The following SGCD variants were observed in gnomAD, a reference collection of about 807,000 sequenced individuals.
SGCD encodes sarcoglycan delta, also known as delta-sarcoglycan.
In SGCD, 18 loss-of-function variants were observed where a neutral mutation model predicts 36.6. That is an observed-to-expected ratio of 0.49 (90% CI 0.34 to 0.73). SGCD has a LOEUF of 0.73. Among genes scored for constraint, SGCD ranks in the 30% least tolerant of loss-of-function variants. The pLI, the probability that SGCD is intolerant of heterozygous loss-of-function variation, is 0.01. For synonymous variants in SGCD, 133 were observed against 130.6 expected (o/e 1.02, Z -0.12); for missense variants, 387 against 346.7 (o/e 1.12, Z -0.92).
intron 1 of SGCD, among the ~76,000 whole-genome samples, chr5:155,880,803 A>G (rs1755865399): frequency 6.6e-6 from 1 of 152,052 alleles, no homozygotes; most frequent in Admixed American, 6.6e-5. Context: ...GCTTGTAAAA[A>G]TCCAGCTCAT....
chr5:156,252,203 C>A (rs1286597948), intron 3 of SGCD, among the ~76,000 whole-genome samples: 1 of 151,726 alleles, frequency 6.6e-6, no homozygotes, highest in African/African-American at 2.4e-5. Flanking sequence ...GAGTATTAAT[C>A]CCCTCCTGGG....
Position 156,594,920 on chromosome 5 carries a change from T to C in SGCD, c.383-12T>C, listed in dbSNP as rs1760866457. 6.4e-7 allele frequency: 1 copy of C among 1,569,816 alleles called. No individual in the cohort carries two copies. The highest frequency in any genetic ancestry group is 1.7e-5 in the Admixed American group (1 of 57,778). ...TCTCCTCTCTATCTCTCTATCTCTC[T>C]ATATCTCTCAGGTCCAAAAGCCGTA... On this transcript the variant is annotated splice_polypyrimidine_tract_variant and intron_variant, in intron 5 of 8. Transcript: ENST00000337851.
intron 7 of SGCD, among the ~76,000 whole-genome samples, chr5:156,742,469 T>C (rs1756731780): frequency 6.6e-6 from 1 of 151,188 alleles, no homozygotes; most frequent in Admixed American, 6.7e-5. Context: ...GAAATCAGCC[T>C]TGGTCCAGTC....
intron 1 of SGCD, among the ~76,000 whole-genome samples, chr5:156,077,176 T>C (rs897050734): frequency 3.3e-5 from 5 of 152,186 alleles, no homozygotes; most frequent in Non-Finnish European, 7.3e-5. Context: ...TTTGATAATA[T>C]TTTGGCTTCA....
chr5:155,850,223 A>G, the SGCD span, among the ~76,000 whole-genome samples: 1 of 152,134 alleles, frequency 6.6e-6, no homozygotes, highest in African/African-American at 2.4e-5. Context: ...TTACTCTTTC[A>G]TGTCTGACGG....
the SGCD span, among the ~76,000 whole-genome samples, chr5:155,752,448 G>T: frequency 6.6e-6 from 1 of 151,892 alleles, no homozygotes; most frequent in African/African-American, 2.4e-5. Context: ...TCTTTCCCTT[G>T]GTACCCCTCC....
chr5:156,321,515 A>G (rs1255504589), intron 3 of SGCD, among the ~76,000 whole-genome samples: 1 of 152,192 alleles, frequency 6.6e-6, no homozygotes, highest in Non-Finnish European at 1.5e-5. Flanking sequence ...TTTGTCATCC[A>G]TAATCCACCT....
At chr5:156,650,131 G>A (rs375361873) in intron 7 of SGCD, among the ~76,000 whole-genome samples, 4 of 152,124 alleles carry the variant, frequency 2.6e-5, no homozygotes, top group Non-Finnish European at 4.4e-5. Flanking sequence ...ATGTTATGCT[G>A]AGACATAATC....
intron 7 of SGCD, chr5:156,738,433 G>A (rs1245724695): frequency 6.6e-6 from 1 of 152,170 alleles, no homozygotes; most frequent in African/African-American, 2.4e-5. Flanking sequence ...AGCCATGTTA[G>A]GCTACTAAGG....
At chr5:156,746,370 G>A (rs1334923472) in intron 7 of SGCD, among the ~76,000 whole-genome samples, 1 of 152,142 alleles carries the variant, frequency 6.6e-6, no homozygotes, top group Non-Finnish European at 1.5e-5. Context: ...TCTACTAAAG[G>A]AAAATATCAA....
At chr5:156,623,474 A>G (rs556366135) in intron 6 of SGCD, among the ~76,000 whole-genome samples, 8 of 152,342 alleles carry the variant, frequency 5.3e-5, no homozygotes, top group Admixed American at 1.3e-4. Flanking sequence ...CTGACAACTC[A>G]GATTGTTCTT....
chr5:156,237,351 G>A (rs911230318), intron 3 of SGCD, among the ~76,000 whole-genome samples: 1 of 152,200 alleles, frequency 6.6e-6, no homozygotes, highest in South Asian at 2.1e-4. Flanking sequence ...ATGGCCGGGT[G>A]TGGTGCCTCA....
chr5:156,485,520 G>C (rs760257169), intron 3 of SGCD, among the ~76,000 whole-genome samples: 19 of 152,076 alleles, frequency 1.2e-4, no homozygotes, highest in Non-Finnish European at 2.8e-4. Flanking sequence ...AAATTTAGCT[G>C]GGTGTGGTGG....
chr5:156,369,812 G>T (rs1341008849), intron 3 of SGCD, among the ~76,000 whole-genome samples: 2 of 152,146 alleles, frequency 1.3e-5, no homozygotes. Flanking sequence ...ATGGATTGAT[G>T]TGGGAAAAAA....
intron 1 of SGCD, among the ~76,000 whole-genome samples, chr5:156,105,484 C>T (rs1277248545): frequency 6.6e-6 from 1 of 152,098 alleles, no homozygotes; most frequent in Non-Finnish European, 1.5e-5. Context: ...TATAAATTTA[C>T]ATAATTAAAA....
chr5:155,793,649 C>T, the SGCD span, among the ~76,000 whole-genome samples: 1 of 151,314 alleles, frequency 6.6e-6, no homozygotes, highest in South Asian at 2.1e-4. Context: ...TCAAGCAATT[C>T]TCCTACCTCA....
At chr5:155,980,839 GTC>G (rs1758213671) in intron 1 of SGCD, among the ~76,000 whole-genome samples, 2 of 152,114 alleles carry the variant, frequency 1.3e-5, no homozygotes, top group African/African-American at 4.8e-5. Context: ...GAAGGTATTA[GTC>G]CTACATGCTG....
At chr5:155,736,701 A>ACCT in the SGCD span, among the ~76,000 whole-genome samples, 1 of 151,240 alleles carries the variant, frequency 6.6e-6, no homozygotes. Context: ...CACCACTACC[A>ACCT]CCTCCTCCTC....
chr5:156,448,731 C>CTTTTTTTTTTTTTTT lies in SGCD; in HGVS notation c.193-59856_193-59842dup, dbSNP rs1158844774. On this transcript the variant is annotated intron_variant, in intron 3 of 8. Transcript: ENST00000337851. ...GTGGGAGAAGTTTCTTTTTCTTTTT[C>CTTTTTTTTTTTTTTT]TTTTTTTTTTTTTTTTTTTTTTTTT... Among the ~76,000 whole-genome samples the CTTTTTTTTTTTTTTT allele has an allele frequency of 7.0e-4, 53 of 76,018 alleles. 6 individuals are homozygous for CTTTTTTTTTTTTTTT. The highest frequency in any genetic ancestry group is 1.3e-3 in the African/African-American group (21 of 16,366). 49.9% of individuals were successfully genotyped at this position (76,018 alleles called of 152,430 possible).
Sources: allele counts gnomAD v4.1 joint callset (sites outside exome capture counted in the v4.1 genomes callset), GRCh38; gene constraint gnomAD v4.1.1; transcripts MANE v1.5; gene names NCBI Gene and HGNC (gene_info 2026-07-23, HGNC 2026-07-21).